The following BBS9 variants were observed in gnomAD, a reference collection of about 807,000 sequenced individuals.
BBS9 encodes the protein Bardet-Biedl syndrome 9, also known as protein PTHB1.
In BBS9, 89 loss-of-function variants were observed where a neutral mutation model predicts 117.7. The observed-to-expected ratio is 0.76, with a 90% CI of 0.64 to 0.90. The LOEUF (loss-of-function observed/expected upper bound fraction) is 0.90, where lower values mean the gene tolerates loss of function less well. Among genes scored for constraint, BBS9 ranks in the 40% least tolerant of loss-of-function variants. The pLI is 0.00. For synonymous variants in BBS9, 379 were observed against 370.9 expected (o/e 1.02, Z -0.25); for missense variants, 982 against 1,042.2 (o/e 0.94, Z 0.80).
intron 19 of BBS9, among the ~76,000 whole-genome samples, chr7:33,431,498 A>G (rs1834457166): frequency 6.6e-6 from 1 of 152,144 alleles, no homozygotes; most frequent in Non-Finnish European, 1.5e-5. Flanking sequence ...TAGGGAGGTG[A>G]TTAGATCATG....
chr7:33,444,038 T>C (rs1208656012), intron 19 of BBS9, among the ~76,000 whole-genome samples: 4 of 152,198 alleles, frequency 2.6e-5, no homozygotes, highest in African/African-American at 9.6e-5. Context: ...TCTCCTCTTC[T>C]TTCCCCCTGA....
intron 9 of BBS9, among the ~76,000 whole-genome samples, chr7:33,301,492 T>C (rs1806435794): frequency 6.6e-6 from 1 of 152,114 alleles, no homozygotes; most frequent in Non-Finnish European, 1.5e-5. Flanking sequence ...AATTTTTAGC[T>C]CCCACAAATA....
chr7:33,595,825 G>A (rs1002777278), intron 21 of BBS9, among the ~76,000 whole-genome samples: 1 of 152,102 alleles, frequency 6.6e-6, no homozygotes, highest in African/African-American at 2.4e-5. Context: ...TATACACCAT[G>A]GAATACTATG....
chr7:33,323,211 C>T (rs928362554), intron 9 of BBS9, among the ~76,000 whole-genome samples: 5 of 151,938 alleles, frequency 3.3e-5, no homozygotes, highest in South Asian at 4.2e-4. Context: ...ATTCTGCAGC[C>T]GTTAGATGAA....
intron 19 of BBS9, among the ~76,000 whole-genome samples, chr7:33,457,936 G>A (rs17170255): frequency 0.11 from 16,513 of 152,086 alleles, 1,037 homozygotes; most frequent in East Asian, 0.32. Flanking sequence ...GTTAAGTGAC[G>A]TTCAAGTAAC....
At chr7:33,559,092 A>T (rs1855709815) in intron 21 of BBS9, among the ~76,000 whole-genome samples, 1 of 152,216 alleles carries the variant, frequency 6.6e-6, no homozygotes, top group South Asian at 2.1e-4. Flanking sequence ...AAGTGGTCAT[A>T]GATGATTCAT....
At chr7:33,405,964 T>C (rs1584692298) in intron 19 of BBS9, among the ~76,000 whole-genome samples, 1 of 152,214 alleles carries the variant, frequency 6.6e-6, no homozygotes. Context: ...TCTTTCCTGC[T>C]TTCTCTTGTG....
intron 4 of BBS9, among the ~76,000 whole-genome samples, chr7:33,164,718 G>A (rs1407522009): frequency 1.3e-5 from 2 of 152,020 alleles, no homozygotes; most frequent in African/African-American, 2.4e-5. Flanking sequence ...TTGAGCCTAT[G>A]TGTGTCTCTG....
chr7:33,487,448 A>C (rs1843272020), intron 19 of BBS9, among the ~76,000 whole-genome samples: 1 of 152,212 alleles, frequency 6.6e-6, no homozygotes. Context: ...AGATCACTTA[A>C]ATTGGCCCCT....
chr7:33,408,270 C>G (rs539598235), intron 19 of BBS9, among the ~76,000 whole-genome samples: 2 of 152,106 alleles, frequency 1.3e-5, no homozygotes, highest in African/African-American at 4.8e-5. Context: ...CCTGGTGCGC[C>G]GTTTCCTAAG....
chr7:33,412,130 G>A (rs1831249439), intron 19 of BBS9, among the ~76,000 whole-genome samples: 2 of 152,090 alleles, frequency 1.3e-5, no homozygotes, highest in Non-Finnish European at 2.9e-5. Flanking sequence ...TTATTCTAAT[G>A]TATTTTTGTA....
At chr7:33,306,810 T>C (rs1216756904) in intron 9 of BBS9, among the ~76,000 whole-genome samples, 1 of 152,160 alleles carries the variant, frequency 6.6e-6, no homozygotes, top group African/African-American at 2.4e-5. Context: ...GAATAATTTG[T>C]TTCATATTTT....
intron 19 of BBS9, among the ~76,000 whole-genome samples, chr7:33,458,627 A>T (rs1313006450): frequency 6.6e-6 from 1 of 152,214 alleles, no homozygotes; most frequent in Non-Finnish European, 1.5e-5. Context: ...AATGAGTTAC[A>T]GTGAATTTGG....
At chr7:33,455,793 G>T (rs559199686) in intron 19 of BBS9, among the ~76,000 whole-genome samples, 1 of 152,114 alleles carries the variant, frequency 6.6e-6, no homozygotes, top group Non-Finnish European at 1.5e-5. Context: ...GAAAAATCTG[G>T]GTTGGCCTTT....
chr7:33,532,821 G>A lies in BBS9; in HGVS notation c.2299-1133G>A, dbSNP rs888534181. Among the ~76,000 whole-genome samples the A allele has an allele frequency of 7.9e-5, 12 of 152,236 alleles. No individual in the cohort carries two copies. In the East Asian group the frequency reaches 9.7e-4, roughly 12 times the overall value. On this transcript the variant is annotated intron_variant, in intron 20 of 22. Transcript: ENST00000242067. ...AGATGAACCTTCTCTCTGAGTCTCA[G>A]GGCTCTTACTTCTAATATAAGGGAC...
chr7:33,565,797 A>G (rs1275339064), intron 21 of BBS9, among the ~76,000 whole-genome samples: 3 of 41,488 alleles, frequency 7.2e-5, no homozygotes, highest in South Asian at 7.2e-4. Context: ...ATATATATAT[A>G]TATATATATA....
intron 20 of BBS9, among the ~76,000 whole-genome samples, chr7:33,520,799 C>T (rs55745999): frequency 0.015 from 2,335 of 152,248 alleles, 49 homozygotes; most frequent in African/African-American, 0.053. Context: ...CTTTCTTGGG[C>T]CTCCATTGTC....
At chr7:33,278,277 G>A (rs146471573) in intron 9 of BBS9, among the ~76,000 whole-genome samples, 245 of 152,274 alleles carry the variant, frequency 1.6e-3, no homozygotes, top group African/African-American at 5.1e-3. Flanking sequence ...CTGACAGGGG[G>A]CATAGTTGTG....
chr7:33,408,761 C>G (rs934942789), intron 19 of BBS9, among the ~76,000 whole-genome samples: 2 of 152,188 alleles, frequency 1.3e-5, no homozygotes, highest in African/African-American at 2.4e-5. Flanking sequence ...GATAGTTCAA[C>G]TCTCAGTTCT....
Sources: gnomAD v4.1 joint callset for allele counts (sites outside exome capture counted in the v4.1 genomes callset) on GRCh38, gnomAD v4.1.1 for gene constraint, MANE v1.5 for transcripts, NCBI Gene and HGNC (gene_info 2026-07-23, HGNC 2026-07-21) for gene names.